TMEM236: variants seen among roughly 807,000 people sequenced by gnomAD.
TMEM236 encodes family with sequence similarity 23, member A.
In TMEM236, 11 loss-of-function variants were observed where a neutral mutation model predicts 14.7. The observed-to-expected ratio is 0.75, with a 90% CI of 0.47 to 1.24. The LOEUF is 1.24. Ranked by LOEUF, TMEM236 falls within the 50% of genes most tolerant of loss-of-function variation. The pLI, the probability that TMEM236 is intolerant of heterozygous loss-of-function variation, is 0.00. For missense variants in TMEM236, 464 were observed against 427.3 expected (o/e 1.09, Z -0.76); for synonymous variants, 182 against 168.6 (o/e 1.08, Z -0.62).
chr10:17,768,704 T>A (rs1837515940), intron 1 of TMEM236, among the ~76,000 whole-genome samples: 1 of 150,056 alleles, frequency 6.7e-6, no homozygotes, highest in Non-Finnish European at 1.5e-5. Flanking sequence ...TTCTAGGTAG[T>A]CATAGGGCTA....
At chr10:17,771,164 A>T in intron 1 of TMEM236, 145 bp from the exon 2 acceptor site, 1 of 755,486 alleles carries the variant, frequency 1.3e-6, no homozygotes, top group Non-Finnish European at 2.3e-6. Context: ...CCATATGCAA[A>T]CATTTGGGAA....
At chr10:17,778,024 C>T (rs2131754620) in intron 3 of TMEM236, among the ~76,000 whole-genome samples, 1 of 152,308 alleles carries the variant, frequency 6.6e-6, no homozygotes, top group African/African-American at 2.4e-5. Context: ...CAGGTGTGAG[C>T]CACCGTGGCT....
At chr10:17,774,032 TG>T (rs1837618769) in intron 2 of TMEM236, among the ~76,000 whole-genome samples, 14 of 101,152 alleles carry the variant, frequency 1.4e-4, no homozygotes, top group Admixed American at 2.4e-4. Flanking sequence ...TATATATTTT[TG>T]TTTGTTTGTT....
At chr10:17,754,257 C>G (rs1837250557) in intron 1 of TMEM236, among the ~76,000 whole-genome samples, 1 of 152,164 alleles carries the variant, frequency 6.6e-6, no homozygotes, top group East Asian at 1.9e-4. Context: ...ATTTTGCAGG[C>G]TTACGTCATA....
intron 1 of TMEM236, among the ~76,000 whole-genome samples, chr10:17,768,491 T>A (rs1837512540): frequency 6.6e-6 from 1 of 152,208 alleles, no homozygotes; most frequent in Admixed American, 6.5e-5. Context: ...TTTTACTCAT[T>A]TAAAAATGTT....
intron 1 of TMEM236, among the ~76,000 whole-genome samples, chr10:17,770,098 G>A (rs1019261950): frequency 1.3e-5 from 2 of 152,116 alleles, no homozygotes; most frequent in Non-Finnish European, 2.9e-5. Context: ...TTGGTTTTCT[G>A]TTCCTGAGTT....
Position 17,791,368 on chromosome 10 carries a change from G to A in TMEM236, c.473-4553G>A, listed in dbSNP as rs901460805. On this transcript the variant is annotated intron_variant, in intron 3 of 3. Transcript: ENST00000377495. ...AGCTATTTGGGAGGCTGAGGCAGGA[G>A]GATCGCTTGAGTCTGAGAGTTGGAG... is the stretch of plus-strand genomic sequence containing the variant. Among the ~76,000 whole-genome samples the A allele has an allele frequency of 2.0e-4, 31 of 152,262 alleles. No individual in the cohort carries two copies. In the East Asian group the frequency reaches 5.6e-3, roughly 27 times the overall value.
chr10:17,768,512 G>A (rs1324713164), intron 1 of TMEM236, among the ~76,000 whole-genome samples: 7 of 151,998 alleles, frequency 4.6e-5, no homozygotes, highest in Admixed American at 3.9e-4. Flanking sequence ...GTCCTGAGAA[G>A]GTTTCATAGG....
chr10:17,786,193 G>A (rs1428440040), intron 3 of TMEM236, among the ~76,000 whole-genome samples: 1 of 152,058 alleles, frequency 6.6e-6, no homozygotes, highest in Admixed American at 6.5e-5. Context: ...TAGGAATAAG[G>A]GAATAAAAGA....
intron 1 of TMEM236, among the ~76,000 whole-genome samples, chr10:17,757,350 G>T (rs1330751362): frequency 2.0e-5 from 3 of 152,080 alleles, no homozygotes; most frequent in Non-Finnish European, 4.4e-5. Context: ...GTAATCCCAA[G>T]ACTTTGAGAG....
intron 1 of TMEM236, among the ~76,000 whole-genome samples, chr10:17,758,048 C>T (rs898501544): frequency 1.3e-5 from 2 of 152,086 alleles, no homozygotes; most frequent in East Asian, 1.9e-4. Flanking sequence ...GGATTACAGG[C>T]GTAAGCCACC....
At chr10:17,781,540 G>A (rs1837748517) in intron 3 of TMEM236, among the ~76,000 whole-genome samples, 1 of 152,076 alleles carries the variant, frequency 6.6e-6, no homozygotes, top group Non-Finnish European at 1.5e-5. Context: ...GAGGTCAGGA[G>A]TTTGAGACCA....
chr10:17,764,807 C>T (rs1357516893), intron 1 of TMEM236, among the ~76,000 whole-genome samples: 1 of 148,850 alleles, frequency 6.7e-6, no homozygotes, highest in African/African-American at 2.5e-5. Context: ...CTTAGTCTTC[C>T]CCACCTGCAT....
chr10:17,767,169 A>G (rs557921910), intron 1 of TMEM236, among the ~76,000 whole-genome samples: 1 of 152,316 alleles, frequency 6.6e-6, no homozygotes, highest in East Asian at 1.9e-4. Context: ...TCAACAAATT[A>G]TAAGCATATC....
intron 3 of TMEM236, among the ~76,000 whole-genome samples, chr10:17,782,481 C>T (rs1837767999): frequency 6.6e-6 from 1 of 152,004 alleles, no homozygotes; most frequent in Admixed American, 6.6e-5. Context: ...TTGAGACAGT[C>T]TCACTCTGTT....
At chr10:17,795,634 TG>T (rs1356294035) in intron 3 of TMEM236, among the ~76,000 whole-genome samples, 4 of 152,066 alleles carry the variant, frequency 2.6e-5, no homozygotes, top group African/African-American at 9.7e-5. Context: ...ATAGAATATG[TG>T]GGGAGGGAGA....
chr10:17,764,569 A>G (rs1589141431), intron 1 of TMEM236, among the ~76,000 whole-genome samples: 1 of 152,242 alleles, frequency 6.6e-6, no homozygotes, highest in Non-Finnish European at 1.5e-5. Context: ...CTTAAACAAC[A>G]GAAATTTGTT....
intron 3 of TMEM236, among the ~76,000 whole-genome samples, chr10:17,779,674 G>T (rs1437780831): frequency 2.6e-5 from 4 of 151,974 alleles, no homozygotes; most frequent in African/African-American, 7.2e-5. Context: ...GCTTCCCAAA[G>T]CACTGGGTTT....
At chr10:17,791,407 A>C (rs1392214261) in intron 3 of TMEM236, among the ~76,000 whole-genome samples, 6 of 152,084 alleles carry the variant, frequency 3.9e-5, no homozygotes, top group African/African-American at 1.2e-4. Context: ...GTAGTGCGCT[A>C]TGATTGTGCC....
Sources: allele counts gnomAD v4.1 joint callset (sites outside exome capture counted in the v4.1 genomes callset), GRCh38; gene constraint gnomAD v4.1.1; transcripts MANE v1.5; gene names NCBI Gene and HGNC (gene_info 2026-07-23, HGNC 2026-07-21).